Variants in FAM241A observed in about 807,000 individuals in gnomAD.
The protein encoded by FAM241A is family with sequence similarity 241 member A, also known as uncharacterized protein FAM241A.
Under a neutral mutation model 12.2 loss-of-function variants are expected in FAM241A, and 7 were observed. That is an observed-to-expected ratio of 0.58 (90% CI 0.33 to 1.08). The LOEUF is 1.08. Among genes scored for constraint, FAM241A ranks in the 50% least tolerant of loss-of-function variants. The pLI is 0.04. For synonymous variants in FAM241A, 74 were observed against 68.2 expected, an observed-to-expected ratio of 1.08 and a Z score of -0.42; for missense variants, 161 against 169.7, an observed-to-expected ratio of 0.95 and a Z score of 0.29.
In FAM241A at chr4:112,193,161, G is replaced by T. The variant is rs1303224152; in HGVS notation, c.*6223G>T. On this transcript the variant is annotated 3_prime_UTR_variant, in exon 2 of 2. Coordinates refer to ENST00000309733, the MANE Select transcript of FAM241A (RefSeq NM_152400.3). ...AAATGTCTTCTTTTGAGAAGTGTCTGTTCATGTCCTTTGCCCACTTTTTGA... is the reference window on the plus strand; with the variant it reads ...AAATGTCTTCTTTTGAGAAGTGTCTTTTCATGTCCTTTGCCCACTTTTTGA... The T allele has an allele frequency of 6.6e-6, 1 of 151,260 alleles. No individual in the cohort carries two copies. Among genetic ancestry groups the T allele is most frequent in the Non-Finnish European group, 1.5e-5 (1 of 67,670 alleles). The allele number at this position is 151,260 out of a possible 1,614,324, so 9.4% of individuals were successfully genotyped here.
chr4:112,168,123 C>G (rs1409917088), intron 1 of FAM241A, among the ~76,000 whole-genome samples: 2 of 152,206 alleles, frequency 1.3e-5, no homozygotes. Context: ...GTAATTTTCA[C>G]TATATCACCA....
intron 1 of FAM241A, among the ~76,000 whole-genome samples, chr4:112,178,204 C>T (rs1053119391): frequency 2.0e-5 from 3 of 152,100 alleles, no homozygotes; most frequent in African/African-American, 7.2e-5. Context: ...CATCTTAATC[C>T]TCAGAACCAG....
intron 1 of FAM241A, among the ~76,000 whole-genome samples, chr4:112,153,654 TC>T (rs1723292506): frequency 6.6e-6 from 1 of 152,140 alleles, no homozygotes; most frequent in African/African-American, 2.4e-5. Flanking sequence ...ACCCAGTGTT[TC>T]CCCCGGCACC....
chr4:112,156,584 ACTT>A (rs892537102), intron 1 of FAM241A, among the ~76,000 whole-genome samples: 1 of 152,204 alleles, frequency 6.6e-6, no homozygotes, highest in Non-Finnish European at 1.5e-5. Flanking sequence ...ATCTGTCAAA[ACTT>A]CTTCTCCAAA....
At chr4:112,168,407 GA>G (rs762933542) in intron 1 of FAM241A, among the ~76,000 whole-genome samples, 24 of 151,954 alleles carry the variant, frequency 1.6e-4, no homozygotes, top group Non-Finnish European at 2.9e-4. Flanking sequence ...GAACTCCAAA[GA>G]AAAAAATCAG....
rs1038026682 is a variant in FAM241A at position 112,188,908 on chromosome 4, G to C, written c.*1970G>C. 6.6e-6 allele frequency: 1 copy of C among 151,898 alleles called. No individual in the cohort carries two copies. Among genetic ancestry groups the C allele is most frequent in the African/African-American group, 2.4e-5 (1 of 41,358 alleles). The allele number at this position is 151,898 out of a possible 1,614,324, so 9.4% of individuals were successfully genotyped here. Reference sequence around the variant, plus strand: ...ATTATATAAAGAAATAAGATATTTTGCTGTTATTCTTTCTACATATATTAT... The same window carrying C: ...ATTATATAAAGAAATAAGATATTTTCCTGTTATTCTTTCTACATATATTAT... On this transcript the variant is annotated 3_prime_UTR_variant, in exon 2 of 2. Coordinates refer to ENST00000309733, the MANE Select transcript of FAM241A (RefSeq NM_152400.3).
rs571385659 is a variant in FAM241A, at chr4:112,188,868, T to C, written c.*1930T>C. ...CTGTACATCTGCACACTGGTGTTAATAGGGTATATATTAAATTATATAAAG... is the reference window on the plus strand; with the variant it reads ...CTGTACATCTGCACACTGGTGTTAACAGGGTATATATTAAATTATATAAAG... On this transcript the variant is annotated 3_prime_UTR_variant, in exon 2 of 2. Transcript: ENST00000309733. The C allele has an allele frequency of 6.6e-6, 1 of 152,268 alleles. No homozygotes were observed. Among genetic ancestry groups the C allele is most frequent in the South Asian group, 2.1e-4 (1 of 4,830 alleles). 9.4% of individuals were successfully genotyped at this position (152,268 alleles called of 1,614,324 possible). A position where few individuals can be genotyped will look rare whatever the true frequency, so the allele number is the denominator to read the frequency against.
chr4:112,157,131 C>T (rs1396454949), intron 1 of FAM241A, among the ~76,000 whole-genome samples: 1 of 152,054 alleles, frequency 6.6e-6, no homozygotes, highest in Non-Finnish European at 1.5e-5. Context: ...TTTTATGTAA[C>T]TCATCATCAA....
Position 112,187,031 on chromosome 4 carries a change from C to T in FAM241A, c.*93C>T. ...ACTTTTTGACAACCGAAAAAGTTTG[C>T]CTTGTTTCAAATCATGTGCTGGCTG... On this transcript the variant is annotated 3_prime_UTR_variant, in exon 2 of 2. Coordinates refer to ENST00000309733, the MANE Select transcript of FAM241A (RefSeq NM_152400.3). The T allele has an allele frequency of 4.8e-6, 7 of 1,448,238 alleles. No individual in the cohort carries two copies. The highest frequency in any genetic ancestry group is 6.5e-6 in the Non-Finnish European group (7 of 1,072,456). 89.7% of individuals were successfully genotyped at this position (1,448,238 alleles called of 1,614,324 possible).
chr4:112,152,634 G>C (rs563779640), intron 1 of FAM241A, among the ~76,000 whole-genome samples: 1 of 151,642 alleles, frequency 6.6e-6, no homozygotes. Flanking sequence ...GTTGAGTCTC[G>C]TTCTCTCATG....
intron 1 of FAM241A, among the ~76,000 whole-genome samples, chr4:112,186,028 T>A (rs1038690674): frequency 6.6e-6 from 1 of 152,144 alleles, no homozygotes; most frequent in African/African-American, 2.4e-5. Context: ...TAGCTTACTG[T>A]CATGGCCTTA....
intron 1 of FAM241A, among the ~76,000 whole-genome samples, chr4:112,176,983 ATTGT>A (rs1226353421): frequency 3.9e-5 from 6 of 152,124 alleles, no homozygotes; most frequent in African/African-American, 1.4e-4. Context: ...GGGTTTGCTT[ATTGT>A]TTGTTGGGGA....
rs1344256944 is a variant in FAM241A, at chr4:112,194,843, G to T, written c.*7905G>T. 1 of 152,156 alleles carries T rather than the reference G, an allele frequency of 6.6e-6. No homozygotes were observed. The highest frequency in any genetic ancestry group is 1.5e-5 in the Non-Finnish European group (1 of 68,046). 9.4% of individuals were successfully genotyped at this position (152,156 alleles called of 1,614,324 possible). ...TTGCCAGGCTGGAGGGCAGTGGCAC[G>T]ATCTCGACTCACTGCAACCTCCGCC... On this transcript the variant is annotated 3_prime_UTR_variant, in exon 2 of 2. Transcript: ENST00000309733.
In FAM241A at chr4:112,191,473, A is replaced by G. The variant is rs542052159; in HGVS notation, c.*4535A>G. On this transcript the variant is annotated 3_prime_UTR_variant, in exon 2 of 2. Transcript: ENST00000309733. ...AAGTCCTTATGCCTTAATATGTTTT[A>G]CAAGGCTCTTCATGTACTGGTTCTT... The G allele has an allele frequency of 6.6e-6, 1 of 152,350 alleles. No individual in the cohort carries two copies. Among genetic ancestry groups the G allele is most frequent in the African/African-American group, 2.4e-5 (1 of 41,584 alleles). 9.4% of individuals were successfully genotyped at this position (152,350 alleles called of 1,614,324 possible).
At chr4:112,173,110 C>T (rs1333297034) in intron 1 of FAM241A, among the ~76,000 whole-genome samples, 1 of 152,044 alleles carries the variant, frequency 6.6e-6, no homozygotes, top group African/African-American at 2.4e-5. Context: ...GCTGGTCTTG[C>T]ACTCCTGAAC....
chr4:112,183,177 G>C (rs1172392579), intron 1 of FAM241A, among the ~76,000 whole-genome samples: 1 of 151,878 alleles, frequency 6.6e-6, no homozygotes. Context: ...AGATTAAGAA[G>C]TATTTCAGTA....
At chr4:112,183,292 A>G (rs1378842097) in intron 1 of FAM241A, among the ~76,000 whole-genome samples, 1 of 152,002 alleles carries the variant, frequency 6.6e-6, no homozygotes, top group East Asian at 1.9e-4. Context: ...TATAATTAAA[A>G]AAAAAGAAGA....
intron 1 of FAM241A, among the ~76,000 whole-genome samples, chr4:112,157,418 T>A (rs1403362376): frequency 1.3e-5 from 2 of 151,892 alleles, no homozygotes; most frequent in Non-Finnish European, 2.9e-5. Context: ...CACCCAGAAA[T>A]TTTTTTTGCT....
chr4:112,176,130 G>A (rs943143271), intron 1 of FAM241A, among the ~76,000 whole-genome samples: 1 of 152,134 alleles, frequency 6.6e-6, no homozygotes, highest in South Asian at 2.1e-4. Flanking sequence ...TCTGTGGGTA[G>A]AGATGTTCCA....
Sources: allele counts gnomAD v4.1 joint callset (sites outside exome capture counted in the v4.1 genomes callset), GRCh38; gene constraint gnomAD v4.1.1; transcripts MANE v1.5; gene names NCBI Gene and HGNC (gene_info 2026-07-23, HGNC 2026-07-21).